Variants in MARCO observed in about 807,000 individuals in gnomAD.
The protein encoded by MARCO is macrophage receptor MARCO.
Under a neutral mutation model 70.0 loss-of-function variants are expected in MARCO, and 72 were observed. That is an observed-to-expected ratio of 1.03 (90% CI 0.85 to 1.25). The LOEUF is 1.25. Ranked by LOEUF, MARCO falls within the 50% of genes most tolerant of loss-of-function variation. The pLI is 0.00. For missense variants in MARCO, 696 were observed against 659.3 expected (o/e 1.06, Z -0.61); for synonymous variants, 273 against 243.1 (o/e 1.12, Z -1.14).
chr2:118,983,608 T>C (rs1452918289), intron 12 of MARCO, among the ~76,000 whole-genome samples: 2 of 152,168 alleles, frequency 1.3e-5, no homozygotes, highest in Non-Finnish European at 2.9e-5. Context: ...TAGGAAAGTT[T>C]CCATCTGGGT....
At position 118,986,681 on chromosome 2, in the gene MARCO, GAA is replaced by G. The variant is rs1242825430; in HGVS notation, c.1064-3906_1064-3905del. ...GGAAGGAAGGAAGGAAGGAAAGAAA[GAA>G]AGAAAGAAAGAAAGAAAGAAAGAAA... is the stretch of plus-strand genomic sequence containing the variant. On this transcript the variant is annotated intron_variant, in intron 12 of 16. Transcript: ENST00000327097. Among the ~76,000 whole-genome samples the G allele has an allele frequency of 2.1e-4, 9 of 42,780 alleles. 1 individual carries two copies. The highest frequency in any genetic ancestry group is 1.6e-3 in the South Asian group (2 of 1,250). 28.1% of individuals were successfully genotyped at this position (42,780 alleles called of 152,430 possible).
At chr2:118,956,601 C>A (rs968659441) in intron 1 of MARCO, among the ~76,000 whole-genome samples, 1 of 152,096 alleles carries the variant, frequency 6.6e-6, no homozygotes, top group Non-Finnish European at 1.5e-5. Context: ...AGAAAGTCAA[C>A]AAAGAAACAA....
chr2:118,953,027 T>TAAA (rs1424240109), intron 1 of MARCO: 24 of 152,226 alleles, frequency 1.6e-4, no homozygotes, highest in African/African-American at 5.8e-4. Flanking sequence ...CTTACACATT[T>TAAA]GGGTTGTCCT....
In MARCO at chr2:118,993,366, G is replaced by C. The variant is rs749384356; in HGVS notation, c.1429+66G>C. 159 of 1,519,520 alleles carry C rather than the reference G, an allele frequency of 1.0e-4. 1 individual carries two copies. The Admixed American group carries it at 1.4e-3, about 14-fold the overall frequency. 94.1% of individuals were successfully genotyped at this position (1,519,520 alleles called of 1,614,324 possible). Reference sequence around the variant, plus strand: ...TGGATGTGGCTTTCTCTCGCTGGTGGGGTGTTGGCAAGTGACTCAGTGTGG... The same window carrying C: ...TGGATGTGGCTTTCTCTCGCTGGTGCGGTGTTGGCAAGTGACTCAGTGTGG... On this transcript the variant is annotated intron_variant, in intron 16 of 16. Transcript: ENST00000327097.
Position 118,942,292 on chromosome 2 carries a change from A to G in MARCO, c.-9A>G, listed in dbSNP as rs1272638027. 1.3e-6 allele frequency: 2 copies of G among 1,599,994 alleles called. No individual in the cohort carries two copies. The highest frequency in any genetic ancestry group is 1.7e-6 in the Non-Finnish European group (2 of 1,167,400). ...GCTCCAGGACTTTGGCCATCTATAA[A>G]GCTTGGCAATGAGAAATAAGAAAAT... is the stretch of plus-strand genomic sequence containing the variant. On this transcript the variant is annotated 5_prime_UTR_variant, in exon 1 of 17. Coordinates refer to ENST00000327097, the MANE Select transcript of MARCO (RefSeq NM_006770.4).
Position 118,953,612 on chromosome 2 carries a change from C to T in MARCO, c.97+11215C>T, listed in dbSNP as rs995114556. On this transcript the variant is annotated intron_variant, in intron 1 of 16. Coordinates refer to ENST00000327097, the MANE Select transcript of MARCO (RefSeq NM_006770.4). ...CTCCAGACAGAGCAGCATGCAGAGG[C>T]TTGCATTGTGAATTTTAGCTCCATA... Among the ~76,000 whole-genome samples, 4 of 152,116 alleles carry T rather than the reference C, an allele frequency of 2.6e-5. No individual in the cohort carries two copies. The East Asian group carries it at 5.8e-4, about 22-fold the overall frequency.
intron 1 of MARCO, among the ~76,000 whole-genome samples, chr2:118,959,389 A>G (rs146692740): frequency 0.13 from 19,515 of 152,214 alleles, 1,383 homozygotes; most frequent in South Asian, 0.27. Context: ...AAAATGCTCA[A>G]CATCACTAAT....
intron 1 of MARCO, among the ~76,000 whole-genome samples, chr2:118,944,270 C>T (rs1322353933): frequency 1.3e-5 from 2 of 151,894 alleles, no homozygotes; most frequent in Non-Finnish European, 2.9e-5. Flanking sequence ...ACCAAAAAAC[C>T]AAAACTACTC....
intron 1 of MARCO, among the ~76,000 whole-genome samples, chr2:118,958,272 T>A (rs1199341270): frequency 2.0e-5 from 3 of 151,992 alleles, no homozygotes; most frequent in Non-Finnish European, 4.4e-5. Flanking sequence ...TCCAGAAAGC[T>A]CCTAGAACTG....
At chr2:118,990,438 C>A in intron 12 of MARCO, 151 bp from the exon 13 acceptor site, 1 of 721,906 alleles carries the variant, frequency 1.4e-6, no homozygotes. Flanking sequence ...TTTTCATGAT[C>A]TGCTGAAGAG....
intron 12 of MARCO, among the ~76,000 whole-genome samples, chr2:118,983,122 T>C (rs1491003500): frequency 6.6e-6 from 1 of 151,992 alleles, no homozygotes; most frequent in Non-Finnish European, 1.5e-5. Flanking sequence ...ACACTCTGAT[T>C]GGGCATTTCT....
intron 4 of MARCO, among the ~76,000 whole-genome samples, chr2:118,973,872 C>T (rs981380425): frequency 3.3e-5 from 5 of 152,194 alleles, no homozygotes; most frequent in Admixed American, 2.6e-4. Context: ...TTGAAAGTTC[C>T]ATGAGGATGA....
intron 1 of MARCO, chr2:118,953,048 C>T (rs1679754949): frequency 6.6e-6 from 1 of 152,252 alleles, no homozygotes. Flanking sequence ...TGCTGCGTGT[C>T]CTATGTCCGT....
Position 118,942,373 on chromosome 2 carries a change from G to A in MARCO, c.73G>A (p.Ala25Thr), listed in dbSNP as rs1679520615. The A allele has an allele frequency of 2.5e-6, 4 of 1,613,410 alleles. No homozygotes were observed. The highest frequency in any genetic ancestry group is 2.2e-5 in the South Asian group (2 of 91,066). The stretch of plus-strand genomic sequence containing the variant: ...CCAACAAGCTGCTTTTCACCAAATT[G>A]CAATGGAGCCTTTCGAAATCAATGG... ...ETQQAAFHQIAMEPFEINVPK... is the reference protein window; with the variant it reads ...ETQQAAFHQITMEPFEINVPK... Residue 25 changes from alanine to threonine, a missense_variant, in exon 1 of 17, where the codon GCA (alanine) becomes ACA (threonine). Physicochemically the swap from Ala to Thr is moderately conservative, Grantham distance 58. Around this residue, in one of 3 missense-constraint regions of MARCO, gnomAD observed 605 missense variants for 537.6 expected, o/e 1.13. Coordinates refer to ENST00000327097, the MANE Select transcript of MARCO (RefSeq NM_006770.4).
At chr2:118,975,701 C>T (rs13398063) in intron 6 of MARCO, among the ~76,000 whole-genome samples, 2,649 of 152,154 alleles carry the variant, frequency 0.017, 71 homozygotes, top group African/African-American at 0.059. Flanking sequence ...CACTCACTCA[C>T]GCACCAATGT....
At chr2:118,963,577 G>A (rs909162512) in intron 1 of MARCO, among the ~76,000 whole-genome samples, 5 of 151,972 alleles carry the variant, frequency 3.3e-5, no homozygotes, top group African/African-American at 4.8e-5. Flanking sequence ...TTGCTACCTG[G>A]AGTATTCTGT....
chr2:118,994,601 C>T lies in MARCO; in HGVS notation c.*81C>T. ...AAGGCAGAGGATCTCTGAGGAGTTC[C>T]CTGGGGACAACTGAGCAGCCTCTGG... is the stretch of plus-strand genomic sequence containing the variant. On this transcript the variant is annotated 3_prime_UTR_variant, in exon 17 of 17. Coordinates refer to ENST00000327097, the MANE Select transcript of MARCO (RefSeq NM_006770.4). 1 of 1,416,118 alleles carries T rather than the reference C, an allele frequency of 7.1e-7. No individual in the cohort carries two copies. The highest frequency in any genetic ancestry group is 9.5e-7 in the Non-Finnish European group (1 of 1,054,984). The allele number at this position is 1,416,118 out of a possible 1,614,324, so 87.7% of individuals were successfully genotyped here.
chr2:118,994,636 A>G lies in MARCO; in HGVS notation c.*116A>G, dbSNP rs1337181991. On this transcript the variant is annotated 3_prime_UTR_variant, in exon 17 of 17. Coordinates refer to ENST00000327097, the MANE Select transcript of MARCO (RefSeq NM_006770.4). ...ACTGAGCAGCCTCTGGAGAGGGGCC[A>G]TTAATAAAGCTCAACATCATTGGCT... 2 of 1,025,172 alleles carry G rather than the reference A, an allele frequency of 2.0e-6. No individual in the cohort carries two copies. Among genetic ancestry groups the G allele is most frequent in the East Asian group, 2.5e-5 (1 of 39,342 alleles). 63.5% of individuals were successfully genotyped at this position (1,025,172 alleles called of 1,614,324 possible).
At chr2:118,955,789 G>A (rs1679825526) in intron 1 of MARCO, among the ~76,000 whole-genome samples, 1 of 152,120 alleles carries the variant, frequency 6.6e-6, no homozygotes, top group African/African-American at 2.4e-5. Context: ...AGGGATTGGG[G>A]CCCTATCTTC....
Sources: gnomAD v4.1 joint callset for allele counts (sites outside exome capture counted in the v4.1 genomes callset) on GRCh38, gnomAD v4.1.1 for gene constraint, gnomAD v4.1.1 regional missense constraint, MANE v1.5 for transcripts, NCBI Gene and HGNC (gene_info 2026-07-23, HGNC 2026-07-21) for gene names.